Variants in TENM2 observed in about 807,000 individuals in gnomAD.
The protein encoded by TENM2 is teneurin-2.
Under a neutral mutation model 245.2 loss-of-function variants are expected in TENM2, and 52 were observed. The ratio of observed to expected loss-of-function variants is 0.21; its 90% CI spans 0.17 to 0.27. The LOEUF is 0.27. Ranked by LOEUF, TENM2 falls within the 10% of genes least tolerant of loss-of-function variation. TENM2 has a pLI of 1.00. For missense variants in TENM2, 3,046 were observed against 3,666.8 expected, an observed-to-expected ratio of 0.83 and a Z score of 4.37; for synonymous variants, 1,363 against 1,438.9, an observed-to-expected ratio of 0.95 and a Z score of 1.19.
In TENM2 at chr5:168,073,149, G is replaced by C. The variant is rs549051820; in HGVS notation, c.1515+10884G>C. On this transcript the variant is annotated intron_variant, in intron 7 of 28. Coordinates refer to ENST00000518659, the Ensembl canonical transcript of TENM2. ...TTTACCCTGCTAGCACTATGCTCTT[G>C]TATGTTTCCTGGAGCCACTACCGTA... Among the ~76,000 whole-genome samples the C allele has an allele frequency of 3.1e-4, 47 of 152,298 alleles. 1 individual carries two copies. The Middle Eastern group carries it at 0.014, about 44-fold the overall frequency.
At chr5:167,471,338 A>G (rs1767016172) in intron 2 of TENM2, among the ~76,000 whole-genome samples, 1 of 152,232 alleles carries the variant, frequency 6.6e-6, no homozygotes, top group African/African-American at 2.4e-5. Context: ...GTAATTAAGT[A>G]GAGTTCTCTG....
intron 2 of TENM2, among the ~76,000 whole-genome samples, chr5:167,458,348 G>A (rs1224325338): frequency 1.4e-5 from 2 of 145,150 alleles, no homozygotes; most frequent in African/African-American, 4.9e-5. Context: ...TTAGCTGGGT[G>A]TGGTGGCACG....
chr5:167,910,703 T>C (rs1285394409), intron 3 of TENM2, among the ~76,000 whole-genome samples: 8 of 152,222 alleles, frequency 5.3e-5, no homozygotes, highest in Non-Finnish European at 1.2e-4. Context: ...ATGGAGCAGA[T>C]GTTTCTGAAC....
At chr5:167,324,035 T>G (rs1184128903) in intron 1 of TENM2, among the ~76,000 whole-genome samples, 1 of 152,224 alleles carries the variant, frequency 6.6e-6, no homozygotes, top group Non-Finnish European at 1.5e-5. Context: ...GTCTTAGCCG[T>G]GACCTTCATT....
chr5:167,000,725 C>G, the TENM2 span, among the ~76,000 whole-genome samples: 1 of 152,112 alleles, frequency 6.6e-6, no homozygotes, highest in Non-Finnish European at 1.5e-5. Context: ...TTGTACAGAG[C>G]TTGTTTTTTA....
chr5:168,219,513 T>TAACA (rs1219756264), intron 23 of TENM2, among the ~76,000 whole-genome samples: 2 of 152,166 alleles, frequency 1.3e-5, no homozygotes, highest in Non-Finnish European at 2.9e-5. Context: ...ATATTTCCCC[T>TAACA]AACAATTATC....
At chr5:167,060,428 G>A in the TENM2 span, among the ~76,000 whole-genome samples, 4 of 151,996 alleles carry the variant, frequency 2.6e-5, no homozygotes, top group Admixed American at 6.6e-5. Context: ...TGAGGCAGGC[G>A]GATCACGAGG....
At chr5:167,199,698 G>A in the TENM2 span, among the ~76,000 whole-genome samples, 5 of 152,126 alleles carry the variant, frequency 3.3e-5, no homozygotes, top group East Asian at 5.8e-4. Context: ...TAAGCTCATC[G>A]GGAGGTAGGA....
chr5:167,790,276 C>T (rs1028291603), intron 2 of TENM2, among the ~76,000 whole-genome samples: 2 of 151,994 alleles, frequency 1.3e-5, no homozygotes, highest in African/African-American at 4.8e-5. Flanking sequence ...TGGCTGAGTC[C>T]ACAGCTGGCA....
rs745395078 is a variant in TENM2, at chr5:168,062,128, G to C, written c.1378G>C (p.Glu460Gln). 9 of 1,612,584 alleles carry C rather than the reference G, an allele frequency of 5.6e-6. No homozygotes were observed. The African/African-American group carries it at 1.1e-4, about 19-fold the overall frequency. Residue 460 changes from glutamate to glutamine, a missense_variant, in exon 7 of 29, where the codon GAA becomes CAA. This residue lies in a region of TENM2 where 2,704 missense variants were observed against 3,331.9 expected (regional missense o/e 0.81). Transcript: ENST00000518659. ...AGAAGTTGGTCGGCGGGTAACACAAGAAGTCCCACCAGGGGTGTTTTGGAG... is the reference window on the plus strand; with the variant it reads ...AGAAGTTGGTCGGCGGGTAACACAACAAGTCCCACCAGGGGTGTTTTGGAG...
intron 3 of TENM2, among the ~76,000 whole-genome samples, chr5:167,946,029 C>T (rs1432138582): frequency 1.3e-5 from 2 of 152,218 alleles, no homozygotes; most frequent in Admixed American, 6.5e-5. Flanking sequence ...AGACAGGCCA[C>T]CTGCCCTGTG....
chr5:167,335,703 G>A (rs1012382317), intron 1 of TENM2, among the ~76,000 whole-genome samples: 2 of 152,084 alleles, frequency 1.3e-5, no homozygotes, highest in Non-Finnish European at 2.9e-5. Flanking sequence ...GTTCAGCCAA[G>A]TTCCAAATTC....
At chr5:167,955,871 C>G (rs1260803134) in intron 4 of TENM2, among the ~76,000 whole-genome samples, 1 of 152,098 alleles carries the variant, frequency 6.6e-6, no homozygotes. Context: ...GTAAATGTAA[C>G]CTTGTAGTAT....
intron 1 of TENM2, chr5:167,287,927 G>A (rs987505414): frequency 6.6e-6 from 1 of 152,164 alleles, no homozygotes; most frequent in Non-Finnish European, 1.5e-5. Context: ...TGGTCTGAGA[G>A]CTAATGCACC....
At chr5:167,980,317 C>G (rs1314743596) in intron 4 of TENM2, among the ~76,000 whole-genome samples, 3 of 152,150 alleles carry the variant, frequency 2.0e-5, no homozygotes, top group Non-Finnish European at 4.4e-5. Context: ...AGGTAGGATG[C>G]AAGATGCTAC....
the TENM2 span, among the ~76,000 whole-genome samples, chr5:167,118,305 G>A: frequency 1.3e-5 from 2 of 152,182 alleles, no homozygotes; most frequent in Non-Finnish European, 2.9e-5. Flanking sequence ...CTTTCTCTTA[G>A]AGACGGACTT....
the TENM2 span, among the ~76,000 whole-genome samples, chr5:167,209,430 A>T: frequency 6.6e-6 from 1 of 151,702 alleles, no homozygotes; most frequent in South Asian, 2.1e-4. Flanking sequence ...TGCTCAGCTA[A>T]TTTTTGTATT....
At chr5:167,029,138 T>G in the TENM2 span, among the ~76,000 whole-genome samples, 43 of 152,354 alleles carry the variant, frequency 2.8e-4, no homozygotes, top group Non-Finnish European at 4.6e-4. Flanking sequence ...CAAGTCATTT[T>G]AATTGTATGG....
chr5:166,996,948 C>T, the TENM2 span, among the ~76,000 whole-genome samples: 13 of 152,150 alleles, frequency 8.5e-5, no homozygotes, highest in Non-Finnish European at 1.6e-4. Context: ...AGCAGTTATT[C>T]CTCACTGATT....
Sources: gnomAD v4.1 joint callset for allele counts (sites outside exome capture counted in the v4.1 genomes callset) on GRCh38, gnomAD v4.1.1 for gene constraint, gnomAD v4.1.1 regional missense constraint, MANE v1.5 for transcripts, NCBI Gene and HGNC (gene_info 2026-07-23, HGNC 2026-07-21) for gene names.